Variants in CD36 observed in about 807,000 individuals in gnomAD.
CD36 encodes CD36 molecule (CD36 blood group).
CD36 carries 119 observed loss-of-function variants against 55.2 expected under a neutral mutation model. The observed-to-expected ratio is 2.15, with a 90% CI of 1.86 to 2.51. CD36 has a LOEUF of 2.51. Ranked by LOEUF, CD36 falls within the 30% of genes most tolerant of loss-of-function variation. The pLI, the probability that CD36 is intolerant of heterozygous loss-of-function variation, is 0.00. For missense variants in CD36, 819 were observed against 555.5 expected (o/e 1.47, Z -4.77); for synonymous variants, 186 against 193.6 (o/e 0.96, Z 0.33).
In CD36 at chr7:80,671,011, C is replaced by T. The variant is rs780267115; in HGVS notation, c.853C>T (p.Leu285=). Residue 285 remains leucine, a synonymous_variant, in exon 10 of 15, where the codon CTG becomes TTG. Coordinates refer to ENST00000447544, the MANE Select transcript of CD36 (RefSeq NM_001001548.3). Reference sequence around the variant, plus strand: ...TGCTGTATTTGAATCCGACGTTAATCTGAAAGGAATCCCTGTGTATAGATT... The same window carrying T: ...TGCTGTATTTGAATCCGACGTTAATTTGAAAGGAATCCCTGTGTATAGATT... The part of the protein sequence containing the change: ...IYAVFESDVN[L]KGIPVYRFVL... 8.1e-6 allele frequency: 13 copies of T among 1,613,254 alleles called. No individual in the cohort carries two copies. The East Asian group carries it at 2.9e-4, about 36-fold the overall frequency.
chr7:80,646,735 A>G lies in CD36; in HGVS notation c.-6A>G. On this transcript the variant is annotated 5_prime_UTR_variant, in exon 3 of 15. Transcript: ENST00000447544. ...TTAACACTAATTCACCTCCTGAACA[A>G]GAAAAATGGGCTGTGACCGGAACTG... is the stretch of plus-strand genomic sequence containing the variant. 1 of 1,613,974 alleles carries G rather than the reference A, an allele frequency of 6.2e-7. No individual in the cohort carries two copies. The highest frequency in any genetic ancestry group is 8.5e-7 in the Non-Finnish European group (1 of 1,179,902).
chr7:80,670,267 GA>G (rs376075313), intron 9 of CD36: 241 of 490,194 alleles, frequency 4.9e-4, no homozygotes, highest in African/African-American at 4.2e-3. Context: ...ATCAAGTCCA[GA>G]AGGGCGTGCC....
intron 11 of CD36, 143 bp downstream of exon 11, chr7:80,672,183 C>CAATTTCTTCCTAT (rs1562824169): frequency 7.0e-5 from 47 of 669,144 alleles, no homozygotes; most frequent in Non-Finnish European, 1.1e-4. Flanking sequence ...AAACTTAGGT[C>CAATTTCTTCCTAT]GATTTCTTCC....
chr7:80,636,613 AAATT>A (rs573218347), upstream of CD36, among the ~76,000 whole-genome samples: 1 of 152,092 alleles, frequency 6.6e-6, no homozygotes, highest in African/African-American at 2.4e-5. Flanking sequence ...TCATTCTAAT[AAATT>A]AATCCAGTGT....
chr7:80,624,298 T>C (rs1395920099), intron 1 of CD36: 1 of 152,194 alleles, frequency 6.6e-6, no homozygotes, highest in East Asian at 1.9e-4. Flanking sequence ...ACTTTTGCTT[T>C]GTTCTTGTCC....
At chr7:80,643,625 G>C (rs1008625670) in intron 1 of CD36, among the ~76,000 whole-genome samples, 8 of 152,082 alleles carry the variant, frequency 5.3e-5, no homozygotes, top group African/African-American at 1.9e-4. Context: ...TTAAGAAACA[G>C]AGTCTCTGGG....
upstream of CD36, among the ~76,000 whole-genome samples, chr7:80,637,768 A>G (rs1794526965): frequency 6.6e-6 from 1 of 152,104 alleles, no homozygotes; most frequent in African/African-American, 2.4e-5. Context: ...CAGCTCTCCT[A>G]TCAAATACAT....
intron 14 of CD36, among the ~76,000 whole-genome samples, chr7:80,674,866 G>A (rs966542378): frequency 1.3e-5 from 2 of 151,964 alleles, no homozygotes; most frequent in Non-Finnish European, 2.9e-5. Context: ...AACTTATTTA[G>A]TTGTTTACTG....
upstream of CD36, among the ~76,000 whole-genome samples, chr7:80,636,335 G>A (rs116457569): frequency 1.1e-3 from 173 of 152,030 alleles, 1 homozygote; most frequent in African/African-American, 4.1e-3. Flanking sequence ...GAAAATGAGA[G>A]CAATGAATGT....
intron 3 of CD36, among the ~76,000 whole-genome samples, chr7:80,651,958 A>C (rs1383697840): frequency 1.3e-5 from 2 of 152,176 alleles, no homozygotes; most frequent in African/African-American, 2.4e-5. Context: ...TTAAACATAT[A>C]ATTTGTTTAT....
chr7:80,604,349 AATTTTTTTTTTTTTTTTT>A (rs1189673173), intron 1 of CD36, among the ~76,000 whole-genome samples: 6 of 77,332 alleles, frequency 7.8e-5, no homozygotes, highest in African/African-American at 2.6e-4. Flanking sequence ...AAGCCACTGG[AATTTTTTTTTTTTTTTTT>A]TTTTTTTTTT....
chr7:80,605,891 A>G (rs1434792903), intron 1 of CD36, among the ~76,000 whole-genome samples: 3 of 152,142 alleles, frequency 2.0e-5, no homozygotes, highest in Non-Finnish European at 2.9e-5. Context: ...GAGCTGTGAT[A>G]AGCTTAATAT....
upstream of CD36, among the ~76,000 whole-genome samples, chr7:80,634,882 T>C (rs1214604595): frequency 6.6e-6 from 1 of 151,950 alleles, no homozygotes; most frequent in Non-Finnish European, 1.5e-5. Context: ...TCAAAGTTTA[T>C]GGAATAAAAA....
chr7:80,665,498 A>G (rs1335364309), intron 7 of CD36, among the ~76,000 whole-genome samples: 2 of 152,134 alleles, frequency 1.3e-5, no homozygotes, highest in Non-Finnish European at 2.9e-5. Flanking sequence ...CCACAGTTAC[A>G]TATTTTTATA....
chr7:80,655,066 A>T (rs569114237), intron 3 of CD36, among the ~76,000 whole-genome samples: 1 of 152,114 alleles, frequency 6.6e-6, no homozygotes, highest in African/African-American at 2.4e-5. Flanking sequence ...TCCTTTCCTA[A>T]TCTGTCATTC....
intron 3 of CD36, among the ~76,000 whole-genome samples, chr7:80,648,411 G>T (rs1795336360): frequency 6.6e-6 from 1 of 151,944 alleles, no homozygotes; most frequent in Non-Finnish European, 1.5e-5. Context: ...CATAATTATT[G>T]GTCAATAACT....
chr7:80,656,625 A>T lies in CD36; in HGVS notation c.206A>T (p.Asp69Val), dbSNP rs1288951485. ...GTTTACAGACAGTTTTGGATCTTTG[A>T]TGTGCAAAATCCACAGGAAGTGATG... is the stretch of plus-strand genomic sequence containing the variant. ...TEVYRQFWIF[D>V]VQNPQEVMMN... Residue 69 changes from aspartate to valine, a missense_variant, in exon 4 of 15, where the codon GAT becomes GTT. Coordinates refer to ENST00000447544, the MANE Select transcript of CD36 (RefSeq NM_001001548.3). 5 of 1,613,692 alleles carry T rather than the reference A, an allele frequency of 3.1e-6. No individual in the cohort carries two copies. The African/African-American group carries it at 6.7e-5, about 22-fold the overall frequency.
At chr7:80,622,957 A>G (rs141403920) in intron 1 of CD36, among the ~76,000 whole-genome samples, 34 of 151,986 alleles carry the variant, frequency 2.2e-4, no homozygotes, top group African/African-American at 8.2e-4. Flanking sequence ...CTATAGCTAG[A>G]CAACAGGCTA....
At chr7:80,623,009 T>C (rs1273066016) in intron 1 of CD36, among the ~76,000 whole-genome samples, 6 of 151,408 alleles carry the variant, frequency 4.0e-5, no homozygotes, top group Non-Finnish European at 8.9e-5. Context: ...GGTAGACTTT[T>C]TTTTTTTTTT....
Sources: gnomAD v4.1 joint callset for allele counts (sites outside exome capture counted in the v4.1 genomes callset) on GRCh38, gnomAD v4.1.1 for gene constraint, MANE v1.5 for transcripts, NCBI Gene and HGNC (gene_info 2026-07-23, HGNC 2026-07-21) for gene names.